The following DYNC1I1 variants were observed in gnomAD, a reference collection of about 807,000 sequenced individuals.
DYNC1I1 encodes dynein cytoplasmic 1 intermediate chain 1.
In DYNC1I1, 43 loss-of-function variants were observed where a neutral mutation model predicts 86.6. The observed-to-expected ratio is 0.50, with a 90% confidence interval of 0.39 to 0.64. DYNC1I1 has a LOEUF of 0.64. DYNC1I1 is among the 30% of genes least tolerant of loss of function. The probability of loss-of-function intolerance (pLI) is 0.00; values close to 1 mark genes in which losing one functional copy is unlikely to be tolerated. For missense variants in DYNC1I1, 604 were observed against 788.8 expected, an observed-to-expected ratio of 0.77 and a Z score of 2.81; for synonymous variants, 262 against 283.7, an observed-to-expected ratio of 0.92 and a Z score of 0.77.
chr7:95,915,068 A>G (rs918919377), intron 6 of DYNC1I1, among the ~76,000 whole-genome samples: 2 of 152,194 alleles, frequency 1.3e-5, no homozygotes, highest in Non-Finnish European at 2.9e-5. Flanking sequence ...CTTAAATGAC[A>G]TAGTGAATTA....
intron 6 of DYNC1I1, among the ~76,000 whole-genome samples, chr7:95,963,751 T>C (rs1165892756): frequency 6.6e-6 from 1 of 152,148 alleles, no homozygotes; most frequent in African/African-American, 2.4e-5. Context: ...GTTTATTCTC[T>C]AGAGATTCAG....
intron 5 of DYNC1I1, among the ~76,000 whole-genome samples, chr7:95,833,920 G>T (rs1389537581): frequency 6.7e-6 from 1 of 148,624 alleles, no homozygotes; most frequent in African/African-American, 2.5e-5. Context: ...CTGCAAAGAG[G>T]GACAATTTGA....
intron 10 of DYNC1I1, among the ~76,000 whole-genome samples, chr7:96,027,494 A>G (rs1699802480): frequency 6.6e-6 from 1 of 152,164 alleles, no homozygotes; most frequent in African/African-American, 2.4e-5. Flanking sequence ...ATGACAGACC[A>G]TGGCAGAGCT....
At chr7:95,789,852 CA>C (rs1325050680) in intron 1 of DYNC1I1, among the ~76,000 whole-genome samples, 1 of 152,168 alleles carries the variant, frequency 6.6e-6, no homozygotes, top group African/African-American at 2.4e-5. Context: ...CTGCAAGTAA[CA>C]ATTATAAATA....
At chr7:95,883,644 TG>T (rs1790515178) in intron 6 of DYNC1I1, among the ~76,000 whole-genome samples, 1 of 152,224 alleles carries the variant, frequency 6.6e-6, no homozygotes, top group African/African-American at 2.4e-5. Context: ...GTGAGAGACA[TG>T]GATTGTATTT....
In DYNC1I1 at chr7:95,795,781, C is replaced by G. The variant is rs188442077; in HGVS notation, c.-9-8940C>G. On this transcript the variant is annotated intron_variant, in intron 1 of 16. Coordinates refer to ENST00000447467, the MANE Select transcript of DYNC1I1 (RefSeq NM_001135556.2). Reference sequence around the variant, plus strand: ...GGGAGAGGATCAAGAAAAATAACTACTGGAAATTAGGCTTAATACCTGGGG... The same window carrying G: ...GGGAGAGGATCAAGAAAAATAACTAGTGGAAATTAGGCTTAATACCTGGGG... Among the ~76,000 whole-genome samples the G allele has an allele frequency of 2.6e-3, 402 of 151,900 alleles. 2 individuals are homozygous for G. Among genetic ancestry groups the G allele is most frequent in the African/African-American group, 9.4e-3 (389 of 41,388 alleles).
intron 14 of DYNC1I1, among the ~76,000 whole-genome samples, chr7:96,074,475 C>T (rs1790268774): frequency 1.4e-5 from 2 of 146,952 alleles, no homozygotes; most frequent in South Asian, 4.3e-4. Context: ...GGCGTGAACC[C>T]GGGAGGCGGA....
intron 15 of DYNC1I1, among the ~76,000 whole-genome samples, chr7:96,077,207 A>G (rs2116251900): frequency 6.6e-6 from 1 of 150,568 alleles, no homozygotes; most frequent in Admixed American, 6.6e-5. Context: ...CCACAGCTGG[A>G]GGATCTGAGG....
chr7:95,836,665 T>C (rs1789102033), intron 5 of DYNC1I1, among the ~76,000 whole-genome samples: 2 of 152,012 alleles, frequency 1.3e-5, no homozygotes, highest in African/African-American at 4.8e-5. Flanking sequence ...CTTTGCTCAT[T>C]TCTTTTTATT....
intron 6 of DYNC1I1, among the ~76,000 whole-genome samples, chr7:95,940,020 T>C (rs1171447277): frequency 2.0e-5 from 3 of 152,106 alleles, no homozygotes; most frequent in Non-Finnish European, 4.4e-5. Context: ...CAGCATTTGC[T>C]TGTCTGTAAA....
chr7:95,867,162 A>T (rs1790036078), intron 5 of DYNC1I1, among the ~76,000 whole-genome samples: 1 of 152,126 alleles, frequency 6.6e-6, no homozygotes, highest in African/African-American at 2.4e-5. Flanking sequence ...ATCATCTTCA[A>T]CTCTACTATC....
intron 6 of DYNC1I1, among the ~76,000 whole-genome samples, chr7:95,960,179 T>C (rs1792828720): frequency 1.3e-5 from 2 of 152,212 alleles, no homozygotes; most frequent in African/African-American, 4.8e-5. Flanking sequence ...CTATTTCAGC[T>C]CACTGCAACC....
In DYNC1I1 at chr7:96,074,340, G is replaced by A. The variant is rs559770789; in HGVS notation, c.1510-1717G>A. 2.1e-3 allele frequency among the ~76,000 whole-genome samples: 312 copies of A among 152,172 alleles called. 2 individuals are homozygous for A. Among genetic ancestry groups the A allele is most frequent in the African/African-American group, 7.1e-3 (293 of 41,520 alleles). On this transcript the variant is annotated intron_variant, in intron 14 of 16. Coordinates refer to ENST00000447467, the MANE Select transcript of DYNC1I1 (RefSeq NM_001135556.2). ...CAAGACGGGCGGATCACGAGGTCAG[G>A]AGATCGAGACCATCCTGGCTAACAC...
At chr7:96,058,321 T>C (rs960361013) in intron 14 of DYNC1I1, among the ~76,000 whole-genome samples, 1 of 152,238 alleles carries the variant, frequency 6.6e-6, no homozygotes, top group African/African-American at 2.4e-5. Flanking sequence ...ACACGATCTC[T>C]GGTGCCAACA....
intron 6 of DYNC1I1, among the ~76,000 whole-genome samples, chr7:95,880,022 G>T (rs1790411217): frequency 6.6e-6 from 1 of 152,184 alleles, no homozygotes; most frequent in Non-Finnish European, 1.5e-5. Flanking sequence ...GGAAGAAGTA[G>T]TAAGTCCAGT....
At chr7:95,903,187 T>C (rs1791085258) in intron 6 of DYNC1I1, among the ~76,000 whole-genome samples, 1 of 152,200 alleles carries the variant, frequency 6.6e-6, no homozygotes, top group South Asian at 2.1e-4. Context: ...TTAGTATAGT[T>C]AGTATTTTAG....
chr7:95,963,068 T>C (rs181065813), intron 6 of DYNC1I1, among the ~76,000 whole-genome samples: 20 of 152,330 alleles, frequency 1.3e-4, no homozygotes, highest in Admixed American at 1.2e-3. Context: ...TTTGCACTGC[T>C]ATATATTTGT....
chr7:96,029,107 T>A (rs1044497441), intron 11 of DYNC1I1, among the ~76,000 whole-genome samples: 4 of 152,182 alleles, frequency 2.6e-5, no homozygotes, highest in Non-Finnish European at 5.9e-5. Context: ...ATTTGTTTCA[T>A]ATGCTGGACT....
chr7:95,910,730 A>T (rs1450187039), intron 6 of DYNC1I1, among the ~76,000 whole-genome samples: 1 of 152,238 alleles, frequency 6.6e-6, no homozygotes, highest in Non-Finnish European at 1.5e-5. Flanking sequence ...TATTGCTGTC[A>T]CTTATTAGTT....
Sources: allele counts gnomAD v4.1 joint callset (sites outside exome capture counted in the v4.1 genomes callset), GRCh38; gene constraint gnomAD v4.1.1; transcripts MANE v1.5; gene names NCBI Gene and HGNC (gene_info 2026-07-23, HGNC 2026-07-21).